Variants in KCNB2 observed in about 807,000 individuals in gnomAD.
KCNB2 encodes the protein delayed rectifier potassium channel protein.
A neutral mutation model predicts 61.5 loss-of-function variants in KCNB2; 15 were observed. The ratio of observed to expected loss-of-function variants is 0.24; its 90% CI spans 0.16 to 0.38. The LOEUF (loss-of-function observed/expected upper bound fraction) is 0.38. Ranked by LOEUF, KCNB2 falls within the 10% of genes least tolerant of loss-of-function variation. The pLI, the probability that KCNB2 is intolerant of heterozygous loss-of-function variation, is 1.00. For synonymous variants in KCNB2, 457 were observed against 446.0 expected (o/e 1.02, Z -0.31); for missense variants, 828 against 1,125.2 (o/e 0.74, Z 3.78).
chr8:72,594,290 AC>A (rs1368577630), intron 2 of KCNB2, among the ~76,000 whole-genome samples: 1 of 152,086 alleles, frequency 6.6e-6, no homozygotes, highest in African/African-American at 2.4e-5. Context: ...AGCAATTTGC[AC>A]CCCCCTCATC....
intron 2 of KCNB2, among the ~76,000 whole-genome samples, chr8:72,918,382 A>G (rs188932322): frequency 5.3e-5 from 8 of 152,286 alleles, no homozygotes; most frequent in African/African-American, 1.9e-4. Flanking sequence ...TATTATTATT[A>G]TGTTAACTCC....
At chr8:72,865,663 A>G (rs1289009703) in intron 2 of KCNB2, among the ~76,000 whole-genome samples, 4 of 152,190 alleles carry the variant, frequency 2.6e-5, no homozygotes, top group African/African-American at 9.7e-5. Context: ...TTTACTTCTT[A>G]AAAGCTTTTG....
chr8:72,655,649 A>G (rs1296225061), intron 2 of KCNB2, among the ~76,000 whole-genome samples: 1 of 152,142 alleles, frequency 6.6e-6, no homozygotes, highest in African/African-American at 2.4e-5. Context: ...TCAAACAGCA[A>G]ACAACAAATA....
chr8:72,766,693 A>G (rs1024111089), intron 2 of KCNB2, among the ~76,000 whole-genome samples: 2 of 152,194 alleles, frequency 1.3e-5, no homozygotes, highest in Non-Finnish European at 2.9e-5. Flanking sequence ...AGATTTTGCA[A>G]CCAGCTCTGA....
At chr8:72,670,557 A>G (rs1806547392) in intron 2 of KCNB2, among the ~76,000 whole-genome samples, 1 of 152,072 alleles carries the variant, frequency 6.6e-6, no homozygotes, top group Non-Finnish European at 1.5e-5. Flanking sequence ...ATTGTCTCCC[A>G]CCTTGACAGT....
chr8:72,907,567 CA>C (rs1166005563), intron 2 of KCNB2, among the ~76,000 whole-genome samples: 2 of 152,140 alleles, frequency 1.3e-5, no homozygotes, highest in Non-Finnish European at 2.9e-5. Context: ...CTAAAGGCTT[CA>C]TGCAACCTAA....
chr8:72,836,931 A>G (rs1304947904), intron 2 of KCNB2, among the ~76,000 whole-genome samples: 1 of 152,162 alleles, frequency 6.6e-6, no homozygotes, highest in Admixed American at 6.5e-5. Flanking sequence ...CAAACAAACA[A>G]AATATTATCA....
At chr8:72,916,218 T>C (rs1247293728) in intron 2 of KCNB2, among the ~76,000 whole-genome samples, 3 of 152,212 alleles carry the variant, frequency 2.0e-5, no homozygotes, top group Non-Finnish European at 2.9e-5. Flanking sequence ...TCCCACATGC[T>C]TTTGGAAAAG....
At chr8:72,592,750 C>G (rs1807120745) in intron 2 of KCNB2, among the ~76,000 whole-genome samples, 1 of 152,080 alleles carries the variant, frequency 6.6e-6, no homozygotes, top group Non-Finnish European at 1.5e-5. Flanking sequence ...TAGGTGAACA[C>G]CCTGAAGGTC....
chr8:72,883,450 T>C (rs1474658903), intron 2 of KCNB2, among the ~76,000 whole-genome samples: 1 of 152,352 alleles, frequency 6.6e-6, no homozygotes, highest in East Asian at 1.9e-4. Flanking sequence ...ACTTCAGTTG[T>C]ATAAAAGCAA....
chr8:72,830,184 A>T (rs2129001785), intron 2 of KCNB2, among the ~76,000 whole-genome samples: 1 of 149,358 alleles, frequency 6.7e-6, no homozygotes, highest in South Asian at 2.1e-4. Flanking sequence ...ATGTTGCTGT[A>T]ACAGCAGAAA....
At chr8:72,918,765 G>A (rs1000066349) in intron 2 of KCNB2, among the ~76,000 whole-genome samples, 4 of 152,194 alleles carry the variant, frequency 2.6e-5, no homozygotes, top group Admixed American at 2.6e-4. Context: ...CATTTAATGT[G>A]GTGCAGCTGG....
chr8:72,550,553 C>T (rs1806331419), intron 1 of KCNB2, among the ~76,000 whole-genome samples: 1 of 152,160 alleles, frequency 6.6e-6, no homozygotes, highest in South Asian at 2.1e-4. Context: ...TAGCAGCATG[C>T]AGGCTGTGGT....
At chr8:72,851,393 A>G (rs1810104396) in intron 2 of KCNB2, among the ~76,000 whole-genome samples, 1 of 152,220 alleles carries the variant, frequency 6.6e-6, no homozygotes, top group African/African-American at 2.4e-5. Flanking sequence ...GCACTGTATT[A>G]CATTTTCACA....
intron 2 of KCNB2, among the ~76,000 whole-genome samples, chr8:72,913,950 A>C (rs1220995893): frequency 1.3e-5 from 2 of 152,238 alleles, no homozygotes; most frequent in Non-Finnish European, 2.9e-5. Flanking sequence ...TTCAGAAAGG[A>C]GAAATGGGGA....
rs144118450 is a variant in KCNB2 at position 72,681,071 on chromosome 8, A to G, written c.579+112758A>G. 2.6e-5 allele frequency among the ~76,000 whole-genome samples: 4 copies of G among 152,336 alleles called. No homozygotes were observed. In the East Asian group the frequency reaches 5.8e-4, roughly 22 times the overall value. On this transcript the variant is annotated intron_variant, in intron 2 of 2. Transcript: ENST00000523207. ...ACAGATGGGAATGACAACTGGTTTT[A>G]TATTAAAGACAATGTGAAAAATAAG...
At chr8:72,586,894 C>G (rs1448633311) in intron 2 of KCNB2, among the ~76,000 whole-genome samples, 1 of 152,152 alleles carries the variant, frequency 6.6e-6, no homozygotes, top group Non-Finnish European at 1.5e-5. Context: ...AATTTCCTAG[C>G]CATCAGGAAG....
At chr8:72,919,978 A>G (rs1466599424) in intron 2 of KCNB2, among the ~76,000 whole-genome samples, 2 of 152,248 alleles carry the variant, frequency 1.3e-5, no homozygotes, top group African/African-American at 4.8e-5. Context: ...CAATGCTATC[A>G]CCTCTATTAC....
At chr8:72,933,330 C>T (rs79583270) in intron 2 of KCNB2, among the ~76,000 whole-genome samples, 5,082 of 152,294 alleles carry the variant, frequency 0.033, 121 homozygotes, top group Admixed American at 0.049. Context: ...GAATGAAGGA[C>T]TGAAGGCCCC....
Sources: allele counts gnomAD v4.1 joint callset (sites outside exome capture counted in the v4.1 genomes callset), GRCh38; gene constraint gnomAD v4.1.1; transcripts MANE v1.5; gene names NCBI Gene and HGNC (gene_info 2026-07-23, HGNC 2026-07-21).